Variants in GNA13 observed in about 807,000 individuals in gnomAD.
GNA13 encodes guanine nucleotide-binding protein subunit alpha-13.
In GNA13, 4 loss-of-function variants were observed where a neutral mutation model predicts 33.5. The observed-to-expected ratio is 0.12, with a 90% CI of 0.06 to 0.27. GNA13 has a LOEUF of 0.27. GNA13 is among the 10% of genes least tolerant of loss of function. The probability of loss-of-function intolerance (pLI) is 1.00; values close to 1 mark genes in which losing one functional copy is unlikely to be tolerated. For synonymous variants in GNA13, 176 were observed against 183.8 expected (o/e 0.96, Z 0.34); for missense variants, 319 against 487.2 (o/e 0.65, Z 3.25).
At chr17:65,045,016 G>A (rs537459918) in intron 2 of GNA13, among the ~76,000 whole-genome samples, 46 of 148,122 alleles carry the variant, frequency 3.1e-4, no homozygotes, top group Non-Finnish European at 5.1e-4. Flanking sequence ...GCACTCTAGC[G>A]TGGGCAACAA....
Position 65,009,554 on chromosome 17 carries a change from A to G in GNA13, c.*4703T>C, listed in dbSNP as rs1906102447. On this transcript the variant is annotated 3_prime_UTR_variant, in exon 4 of 4. Transcript: ENST00000439174. ...AGTTCCTGGAAAGTTATAAAAAGAT[A>G]TATGTAAAAAAAAAATCCTAAGCCA... Among the ~76,000 whole-genome samples, 1 of 151,938 alleles carries G rather than the reference A, an allele frequency of 6.6e-6. No individual in the cohort carries two copies. The highest frequency in any genetic ancestry group is 1.5e-5 in the Non-Finnish European group (1 of 68,036).
intron 2 of GNA13, among the ~76,000 whole-genome samples, chr17:65,031,246 A>T (rs1906995908): frequency 1.3e-5 from 2 of 152,240 alleles, no homozygotes; most frequent in Non-Finnish European, 1.5e-5. Context: ...GTATTCGTGT[A>T]TCTAAACATA....
At chr17:65,027,476 C>G (rs1302190927) in intron 2 of GNA13, among the ~76,000 whole-genome samples, 1 of 152,084 alleles carries the variant, frequency 6.6e-6, no homozygotes, top group Non-Finnish European at 1.5e-5. Context: ...CTAAGAAAAC[C>G]TTTTGCTTAA....
chr17:65,026,636 A>G (rs1906793668), intron 2 of GNA13, among the ~76,000 whole-genome samples: 1 of 152,232 alleles, frequency 6.6e-6, no homozygotes, highest in Admixed American at 6.5e-5. Flanking sequence ...GAACTTCTAG[A>G]TCATTCAAGA....
chr17:65,019,684 T>C (rs180807325), intron 2 of GNA13, among the ~76,000 whole-genome samples: 41 of 151,994 alleles, frequency 2.7e-4, no homozygotes, highest in Middle Eastern at 3.4e-3. Context: ...GCAGCAAGGG[T>C]TGGGGTGGCA....
chr17:65,030,346 G>A (rs956345205), intron 2 of GNA13, among the ~76,000 whole-genome samples: 2 of 152,206 alleles, frequency 1.3e-5, no homozygotes, highest in African/African-American at 2.4e-5. Context: ...CCAGATGCTG[G>A]TGAAGAATCA....
rs557605524 is a variant in GNA13 at position 65,015,469 on chromosome 17, T to C, written c.562-640A>G. On this transcript the variant is annotated intron_variant, in intron 3 of 3. Transcript: ENST00000439174. Reference sequence around the variant, plus strand: ...CGAGGTCAGGAGATTGAGACCATCCTGGCTAACACAGTGAAACCCCATCTC... The same window carrying C: ...CGAGGTCAGGAGATTGAGACCATCCCGGCTAACACAGTGAAACCCCATCTC... Among the ~76,000 whole-genome samples, 14 of 152,122 alleles carry C rather than the reference T, an allele frequency of 9.2e-5. No individual in the cohort carries two copies. The South Asian group carries it at 1.7e-3, about 18-fold the overall frequency.
At chr17:65,025,683 A>G (rs1256310676) in intron 2 of GNA13, among the ~76,000 whole-genome samples, 1 of 152,158 alleles carries the variant, frequency 6.6e-6, no homozygotes, top group East Asian at 1.9e-4. Context: ...AATGCTTAAT[A>G]GGCAGCACTC....
rs763202047 is a variant in GNA13, at chr17:65,056,279, TTAACCCCCGGCCCC to T, written c.283+18_283+31del. 36 of 765,754 alleles carry T rather than the reference TTAACCCCCGGCCCC, an allele frequency of 4.7e-5. No individual in the cohort carries two copies. The highest frequency in any genetic ancestry group is 6.3e-5 in the Non-Finnish European group (33 of 527,568). 47.4% of individuals were successfully genotyped at this position (765,754 alleles called of 1,614,324 possible). A position where few individuals can be genotyped will look rare whatever the true frequency, so the allele number is the denominator to read the frequency against. On this transcript the variant is annotated intron_variant, in intron 1 of 3. Transcript: ENST00000439174. ...CGCCGCCGCCCCAGCCCCCCTGCCC[TTAACCCCCGGCCCC>T]CATTCCCGGCCCGGCACCTTTGATC...
At chr17:65,053,776 T>C (rs1297554103) in intron 1 of GNA13, 48 bp from the exon 2 acceptor site, 1 of 1,148,828 alleles carries the variant, frequency 8.7e-7, no homozygotes, top group Non-Finnish European at 1.3e-6. Context: ...AGTCATTACA[T>C]ATTATCATAA....
chr17:65,047,303 A>C (rs1048456651), intron 2 of GNA13, among the ~76,000 whole-genome samples: 3 of 152,148 alleles, frequency 2.0e-5, no homozygotes, highest in African/African-American at 7.2e-5. Flanking sequence ...CAGGAGGATC[A>C]CTTGAGCCCA....
intron 2 of GNA13, chr17:65,053,277 A>G: frequency 1.9e-6 from 1 of 526,862 alleles, no homozygotes; most frequent in Non-Finnish European, 3.4e-6. Flanking sequence ...TTTCATATAT[A>G]CCTTAAGATA....
At chr17:65,040,813 C>T (rs1295543373) in intron 2 of GNA13, among the ~76,000 whole-genome samples, 1 of 152,100 alleles carries the variant, frequency 6.6e-6, no homozygotes, top group East Asian at 1.9e-4. Flanking sequence ...TTTTAAAAAC[C>T]CGTTAGTTGA....
Position 65,038,600 on chromosome 17 carries a change from C to T in GNA13, c.510+14902G>A, listed in dbSNP as rs575628673. 3.3e-5 allele frequency among the ~76,000 whole-genome samples: 5 copies of T among 152,212 alleles called. No homozygotes were observed. The East Asian group carries it at 5.8e-4, about 18-fold the overall frequency. The stretch of plus-strand genomic sequence containing the variant: ...TATTTTTCTGTATTTTTAGTAGAGA[C>T]GGGGTTGCGGGGGGGCGTTTCTCAC... On this transcript the variant is annotated intron_variant, in intron 2 of 3. Transcript: ENST00000439174.
chr17:65,013,441 T>G lies in GNA13; in HGVS notation c.*816A>C, dbSNP rs1906260503. 1 of 211,878 alleles carries G rather than the reference T, an allele frequency of 4.7e-6. No individual in the cohort carries two copies. Among genetic ancestry groups the G allele is most frequent in the Non-Finnish European group, 9.6e-6 (1 of 104,472 alleles). 13.1% of individuals were successfully genotyped at this position (211,878 alleles called of 1,614,324 possible). ...TAGAAAGTTCTGTTACCAAGTTGCTTGCAGTTTTTAGTTGCTGCTATGGCC... is the reference window on the plus strand; with the variant it reads ...TAGAAAGTTCTGTTACCAAGTTGCTGGCAGTTTTTAGTTGCTGCTATGGCC... On this transcript the variant is annotated 3_prime_UTR_variant, in exon 4 of 4. Transcript: ENST00000439174.
intron 2 of GNA13, among the ~76,000 whole-genome samples, chr17:65,051,307 A>G (rs564847502): frequency 6.6e-6 from 1 of 152,302 alleles, no homozygotes; most frequent in Admixed American, 6.5e-5. Flanking sequence ...AAGGAGAATA[A>G]GCAGCACTTA....
intron 2 of GNA13, among the ~76,000 whole-genome samples, chr17:65,032,963 T>C (rs1907102388): frequency 6.6e-6 from 1 of 152,008 alleles, no homozygotes; most frequent in Non-Finnish European, 1.5e-5. Context: ...ATGCAAAAAT[T>C]AGCCGGGCGT....
In GNA13 at chr17:65,010,934, G is replaced by A. The variant is rs1906165721; in HGVS notation, c.*3323C>T. On this transcript the variant is annotated 3_prime_UTR_variant, in exon 4 of 4. Coordinates refer to ENST00000439174, the MANE Select transcript of GNA13 (RefSeq NM_006572.6). ...CATTATATAATGAAAGCACCAATTT[G>A]AGGGTTTCTCAAATAGTGATTTGAA... 1 of 202,216 alleles carries A rather than the reference G, an allele frequency of 4.9e-6. No homozygotes were observed. The highest frequency in any genetic ancestry group is 1.0e-5 in the Non-Finnish European group (1 of 98,416). 12.5% of individuals were successfully genotyped at this position (202,216 alleles called of 1,614,324 possible).
At chr17:65,036,675 C>T (rs1006708856) in intron 2 of GNA13, among the ~76,000 whole-genome samples, 10 of 152,188 alleles carry the variant, frequency 6.6e-5, no homozygotes, top group Non-Finnish European at 1.0e-4. Flanking sequence ...CACTGCACTC[C>T]AGCCTGGGTG....
Sources: gnomAD v4.1 joint callset for allele counts (sites outside exome capture counted in the v4.1 genomes callset) on GRCh38, gnomAD v4.1.1 for gene constraint, MANE v1.5 for transcripts, NCBI Gene and HGNC (gene_info 2026-07-23, HGNC 2026-07-21) for gene names.